Variants in PCDH9 observed in about 807,000 individuals in gnomAD.
PCDH9 encodes protocadherin 9.
Under a neutral mutation model 70.6 loss-of-function variants are expected in PCDH9, and 24 were observed. That is an observed-to-expected ratio of 0.34 (90% CI 0.25 to 0.48). The LOEUF (loss-of-function observed/expected upper bound fraction) is 0.48, where lower values mean the gene tolerates loss of function less well. PCDH9 is among the 20% of genes least tolerant of loss of function. The pLI, the probability that PCDH9 is intolerant of heterozygous loss-of-function variation, is 0.99. For synonymous variants in PCDH9, 562 were observed against 558.5 expected, an observed-to-expected ratio of 1.01 and a Z score of -0.09; for missense variants, 1,281 against 1,503.6, an observed-to-expected ratio of 0.85 and a Z score of 2.45.
intron 4 of PCDH9, among the ~76,000 whole-genome samples, chr13:66,464,036 C>A (rs898818293): frequency 6.6e-5 from 10 of 151,752 alleles, no homozygotes; most frequent in African/African-American, 1.7e-4. Flanking sequence ...TTCTGTTTTA[C>A]ACTAGGACCA....
chr13:66,678,279 A>G (rs1165236546), intron 3 of PCDH9, among the ~76,000 whole-genome samples: 1 of 152,024 alleles, frequency 6.6e-6, no homozygotes, highest in Non-Finnish European at 1.5e-5. Context: ...AATAAATATT[A>G]TAGTCAACAA....
chr13:67,135,722 C>T (rs9599188), intron 2 of PCDH9, among the ~76,000 whole-genome samples: 28,374 of 151,940 alleles, frequency 0.19, 2,774 homozygotes, highest in Admixed American at 0.24. Flanking sequence ...CAATTAAAAA[C>T]AAAAAAGCAC....
chr13:67,002,129 T>C (rs1180225350), intron 2 of PCDH9: 2 of 152,184 alleles, frequency 1.3e-5, no homozygotes, highest in African/African-American at 2.4e-5. Flanking sequence ...TTTTAAAAGA[T>C]TCAAAATATT....
chr13:66,553,029 G>A (rs1961560814), intron 4 of PCDH9, among the ~76,000 whole-genome samples: 1 of 152,122 alleles, frequency 6.6e-6, no homozygotes, highest in Non-Finnish European at 1.5e-5. Flanking sequence ...AGAATTGCAT[G>A]AGGGTAACCA....
At chr13:67,155,683 A>C (rs1400449059) in intron 2 of PCDH9, among the ~76,000 whole-genome samples, 1 of 152,080 alleles carries the variant, frequency 6.6e-6, no homozygotes, top group Non-Finnish European at 1.5e-5. Flanking sequence ...ACCCTAAAGG[A>C]AATATAGAGA....
chr13:66,886,114 T>C (rs2082001028), intron 3 of PCDH9: 1 of 152,194 alleles, frequency 6.6e-6, no homozygotes, highest in African/African-American at 2.4e-5. Flanking sequence ...CTGTTTTTGT[T>C]CTGTTAATTC....
rs71677008 is a variant in PCDH9 at position 66,559,817 on chromosome 13, A to AAAAAAATAT, written c.3340+71392_3340+71393insATATTTTTT. ...TCCATCTCAAAAAAAAAAAAAAAAA[A>AAAAAAATAT]ATATATATATATATATACACACACA... On this transcript the variant is annotated intron_variant, in intron 4 of 4. Coordinates refer to ENST00000377865, the MANE Select transcript of PCDH9 (RefSeq NM_203487.3). 6.4e-5 allele frequency among the ~76,000 whole-genome samples: 6 copies of AAAAAAATAT among 93,114 alleles called. No individual in the cohort carries two copies. The East Asian group carries it at 1.5e-3, about 23-fold the overall frequency. The allele number at this position is 93,114 out of a possible 152,430, so 61.1% of individuals were successfully genotyped here.
chr13:67,104,891 G>C (rs564452429), intron 2 of PCDH9, among the ~76,000 whole-genome samples: 2 of 151,032 alleles, frequency 1.3e-5, no homozygotes, highest in Non-Finnish European at 3.0e-5. Flanking sequence ...CTTTCTATAA[G>C]AGAATCCTTA....
At chr13:66,718,807 G>A (rs9564337) in intron 3 of PCDH9, among the ~76,000 whole-genome samples, 46,706 of 152,094 alleles carry the variant, frequency 0.31, 8,147 homozygotes, top group East Asian at 0.51. Flanking sequence ...AGCCTGGCCT[G>A]CAAGAAAAGT....
intron 4 of PCDH9, among the ~76,000 whole-genome samples, chr13:66,619,047 T>A (rs2077391778): frequency 6.6e-6 from 1 of 152,166 alleles, no homozygotes. Flanking sequence ...AAGATAATTC[T>A]TTTTTTAGAA....
At chr13:66,466,700 A>T (rs980820777) in intron 4 of PCDH9, among the ~76,000 whole-genome samples, 3 of 152,096 alleles carry the variant, frequency 2.0e-5, no homozygotes, top group African/African-American at 4.8e-5. Context: ...ATTACTTTTT[A>T]AAAAATGGCA....
intron 2 of PCDH9, among the ~76,000 whole-genome samples, chr13:67,152,589 C>T (rs17590518): frequency 0.11 from 16,878 of 152,182 alleles, 1,345 homozygotes; most frequent in Non-Finnish European, 0.16. Flanking sequence ...TCTGCAGCCT[C>T]ATAATGACTG....
chr13:67,154,614 A>C (rs1463636407), intron 2 of PCDH9, among the ~76,000 whole-genome samples: 1 of 135,346 alleles, frequency 7.4e-6, no homozygotes, highest in African/African-American at 2.8e-5. Context: ...ATACACACAC[A>C]CACACACACA....
chr13:66,943,147 A>G (rs2083032581), intron 2 of PCDH9, among the ~76,000 whole-genome samples: 1 of 152,112 alleles, frequency 6.6e-6, no homozygotes, highest in Non-Finnish European at 1.5e-5. Context: ...AAAAGAAATC[A>G]TAAGTCAGGT....
At chr13:67,113,360 C>CA (rs2138276551) in intron 2 of PCDH9, among the ~76,000 whole-genome samples, 1 of 152,272 alleles carries the variant, frequency 6.6e-6, no homozygotes, top group East Asian at 1.9e-4. Context: ...AAATGTTTAA[C>CA]ACATTCACAA....
At chr13:66,667,223 G>A (rs1208043192) in intron 3 of PCDH9, among the ~76,000 whole-genome samples, 1 of 152,144 alleles carries the variant, frequency 6.6e-6, no homozygotes, top group Non-Finnish European at 1.5e-5. Flanking sequence ...GGAAGAAAAG[G>A]CTGGAAGGAG....
intron 3 of PCDH9, among the ~76,000 whole-genome samples, chr13:66,750,241 T>C (rs944034270): frequency 2.6e-5 from 4 of 152,172 alleles, no homozygotes; most frequent in African/African-American, 9.7e-5. Flanking sequence ...AGAAATAGAT[T>C]CACATTTAAA....
At chr13:66,703,262 C>CAAAT in intron 3 of PCDH9, among the ~76,000 whole-genome samples, 1 of 152,284 alleles carries the variant, frequency 6.6e-6, no homozygotes, top group Admixed American at 6.5e-5. Context: ...ACACTTAAGC[C>CAAAT]AAATACTTTC....
At chr13:67,011,941 T>C (rs2084459514) in intron 2 of PCDH9, among the ~76,000 whole-genome samples, 2 of 151,964 alleles carry the variant, frequency 1.3e-5, no homozygotes, top group South Asian at 2.1e-4. Context: ...CACTCTTCTT[T>C]ATAGCTTTAT....
Sources: allele counts gnomAD v4.1 joint callset (sites outside exome capture counted in the v4.1 genomes callset), GRCh38; gene constraint gnomAD v4.1.1; transcripts MANE v1.5; gene names NCBI Gene and HGNC (gene_info 2026-07-23, HGNC 2026-07-21).